The following PDE1C variants were observed in gnomAD, a reference collection of about 807,000 sequenced individuals.
PDE1C encodes the protein phosphodiesterase 1C.
A neutral mutation model predicts 93.1 loss-of-function variants in PDE1C; 62 were observed. The ratio of observed to expected loss-of-function variants is 0.67; its 90% CI spans 0.54 to 0.82. PDE1C has a LOEUF of 0.82. Among genes scored for constraint, PDE1C ranks in the 40% least tolerant of loss-of-function variants. The pLI is 0.00. For missense variants in PDE1C, 742 were observed against 884.6 expected (o/e 0.84, Z 2.04); for synonymous variants, 325 against 310.1 (o/e 1.05, Z -0.50).
At chr7:32,213,785 C>G (rs546409135) in intron 1 of PDE1C, among the ~76,000 whole-genome samples, 2 of 152,310 alleles carry the variant, frequency 1.3e-5, no homozygotes, top group East Asian at 3.9e-4. Flanking sequence ...ATACTGCTCA[C>G]AAAACACAGA....
At chr7:32,379,180 C>G (rs1480751635) in intron 1 of PDE1C, among the ~76,000 whole-genome samples, 1 of 152,182 alleles carries the variant, frequency 6.6e-6, no homozygotes, top group Non-Finnish European at 1.5e-5. Context: ...TGGCTGTTCT[C>G]CCCACTCACT....
the PDE1C span, among the ~76,000 whole-genome samples, chr7:31,632,039 T>C: frequency 3.3e-3 from 502 of 152,300 alleles, no homozygotes; most frequent in Non-Finnish European, 5.3e-3. Flanking sequence ...GGTTCCACCA[T>C]GCTCTTTCCC....
chr7:31,731,323 C>A, the PDE1C span, among the ~76,000 whole-genome samples: 1 of 151,982 alleles, frequency 6.6e-6, no homozygotes, highest in Non-Finnish European at 1.5e-5. Flanking sequence ...GGAGCCCTAG[C>A]CAATCACTGG....
chr7:32,400,229 G>A (rs190525986), intron 1 of PDE1C, among the ~76,000 whole-genome samples: 2 of 152,298 alleles, frequency 1.3e-5, no homozygotes, highest in Admixed American at 1.3e-4. Flanking sequence ...CACAGTGCCT[G>A]GCACAGACGT....
the PDE1C span, among the ~76,000 whole-genome samples, chr7:31,744,984 T>G: frequency 8.1e-4 from 123 of 152,316 alleles, no homozygotes; most frequent in African/African-American, 2.8e-3. Flanking sequence ...AGTAGCTTTT[T>G]TTTTTGAAAG....
chr7:31,962,046 A>G (rs6952633), intron 2 of PDE1C, among the ~76,000 whole-genome samples: 62,738 of 152,062 alleles, frequency 0.41, 13,535 homozygotes, highest in Non-Finnish European at 0.45. Flanking sequence ...ACTGTTATCT[A>G]TCTATAATGT....
At chr7:32,342,322 G>C (rs1387282192) in intron 1 of PDE1C, among the ~76,000 whole-genome samples, 1 of 152,106 alleles carries the variant, frequency 6.6e-6, no homozygotes, top group African/African-American at 2.4e-5. Flanking sequence ...AGAACAACTT[G>C]AGTTAATCAA....
chr7:32,120,948 G>A (rs1799268780), intron 3 of PDE1C, among the ~76,000 whole-genome samples: 1 of 152,144 alleles, frequency 6.6e-6, no homozygotes, highest in Admixed American at 6.5e-5. Context: ...AAAGGAGCGT[G>A]TTCTAATCCA....
chr7:31,695,735 TC>T, the PDE1C span: 3 of 1,022,626 alleles, frequency 2.9e-6, no homozygotes, highest in Non-Finnish European at 4.3e-6. Context: ...ATTTGTGCAC[TC>T]CCCACCTCTG....
intron 2 of PDE1C, among the ~76,000 whole-genome samples, chr7:32,005,091 G>A (rs187960052): frequency 4.6e-5 from 7 of 152,196 alleles, no homozygotes; most frequent in East Asian, 3.9e-4. Flanking sequence ...CTGATCCATA[G>A]CACTTTATTG....
chr7:31,699,909 A>G, the PDE1C span, among the ~76,000 whole-genome samples: 5 of 152,158 alleles, frequency 3.3e-5, no homozygotes, highest in South Asian at 2.1e-4. Flanking sequence ...AACTTAATCT[A>G]TAAGTGGTGT....
intron 11 of PDE1C, among the ~76,000 whole-genome samples, chr7:31,832,627 T>C (rs187293977): frequency 2.2e-4 from 34 of 152,328 alleles, no homozygotes; most frequent in Non-Finnish European, 4.4e-4. Context: ...TTACTTACTA[T>C]AGCTTATGGC....
chr7:32,218,762 C>T (rs148083773), intron 1 of PDE1C, among the ~76,000 whole-genome samples: 439 of 152,302 alleles, frequency 2.9e-3, no homozygotes, highest in Non-Finnish European at 4.8e-3. Flanking sequence ...TTGAAATTTA[C>T]TTATTTCAAT....
chr7:32,058,406 ATG>A (rs1794385102), intron 1 of PDE1C, among the ~76,000 whole-genome samples: 1 of 152,220 alleles, frequency 6.6e-6, no homozygotes, highest in Non-Finnish European at 1.5e-5. Flanking sequence ...TACAGATCAC[ATG>A]TGTTTCACTC....
chr7:32,335,654 T>A (rs1374802309), intron 1 of PDE1C, among the ~76,000 whole-genome samples: 6 of 152,204 alleles, frequency 3.9e-5, no homozygotes, highest in Non-Finnish European at 1.5e-5. Flanking sequence ...ACCAATCATA[T>A]TGGATTAGGG....
chr7:32,021,822 G>A (rs1453714532), intron 2 of PDE1C, among the ~76,000 whole-genome samples: 1 of 151,908 alleles, frequency 6.6e-6, no homozygotes, highest in Non-Finnish European at 1.5e-5. Flanking sequence ...AAACTGAAGT[G>A]AGTCCTATTG....
intron 1 of PDE1C, among the ~76,000 whole-genome samples, chr7:32,263,824 T>G (rs1247971428): frequency 6.6e-6 from 1 of 152,194 alleles, no homozygotes; most frequent in East Asian, 1.9e-4. Flanking sequence ...GTGATTAGAT[T>G]GAGGTTTTGT....
chr7:31,747,879 T>C (rs968202209), downstream of PDE1C, among the ~76,000 whole-genome samples: 1 of 147,346 alleles, frequency 6.8e-6, no homozygotes, highest in African/African-American at 2.5e-5. Flanking sequence ...AAAATCAGTC[T>C]TGGGTTCTAC....
chr7:31,618,834 G>A, the PDE1C span, among the ~76,000 whole-genome samples: 45 of 152,258 alleles, frequency 3.0e-4, no homozygotes, highest in East Asian at 1.7e-3. Flanking sequence ...ATTATATGCC[G>A]CAAATATAAG....
Sources: allele counts gnomAD v4.1 joint callset (sites outside exome capture counted in the v4.1 genomes callset), GRCh38; gene constraint gnomAD v4.1.1; transcripts MANE v1.5; gene names NCBI Gene and HGNC (gene_info 2026-07-23, HGNC 2026-07-21).